SLC44A5: variants seen among roughly 807,000 people sequenced by gnomAD.
SLC44A5 encodes the protein solute carrier family 44 member 5, also known as choline transporter-like protein 5.
SLC44A5 carries 57 observed loss-of-function variants against 101.8 expected under a neutral mutation model. That is an observed-to-expected ratio of 0.56 (90% confidence interval 0.45 to 0.70). The LOEUF is 0.70. Ranked by LOEUF, SLC44A5 falls within the 30% of genes least tolerant of loss-of-function variation. The pLI is 0.00. For missense variants in SLC44A5, 737 were observed against 853.1 expected (o/e 0.86, Z 1.70); for synonymous variants, 281 against 290.9 (o/e 0.97, Z 0.35).
chr1:75,650,216 C>A, the SLC44A5 span, among the ~76,000 whole-genome samples: 2 of 152,160 alleles, frequency 1.3e-5, no homozygotes, highest in African/African-American at 2.4e-5. Context: ...CTCTTCCCAG[C>A]CTCCCAGTTT....
chr1:75,527,154 A>G (rs1003695977), intron 2 of SLC44A5, among the ~76,000 whole-genome samples: 26 of 147,382 alleles, frequency 1.8e-4, no homozygotes, highest in Non-Finnish European at 3.2e-4. Context: ...GAAAAAAAAA[A>G]GAAAAGAAAA....
rs951300401 is a variant in SLC44A5, at chr1:75,222,546, T to A, written c.986-86A>T. 71 of 752,826 alleles carry A rather than the reference T, an allele frequency of 9.4e-5. No homozygotes were observed. In the Middle Eastern group the frequency reaches 1.4e-3, roughly 15 times the overall value. The allele number at this position is 752,826 out of a possible 1,614,324, so 46.6% of individuals were successfully genotyped here. A position where few individuals can be genotyped will look rare whatever the true frequency, so the allele number is the denominator to read the frequency against. ...CTGCAAATGCTAGGATTGAACTTTA[T>A]GATTATTTCTGCCAATTCTGACACC... On this transcript the variant is annotated intron_variant, in intron 13 of 23. Coordinates refer to ENST00000370859, the MANE Select transcript of SLC44A5 (RefSeq NM_001130058.2).
intron 3 of SLC44A5, among the ~76,000 whole-genome samples, chr1:75,352,983 T>G (rs1658798737): frequency 6.6e-6 from 1 of 152,216 alleles, no homozygotes; most frequent in Non-Finnish European, 1.5e-5. Context: ...TCTTGTAGTT[T>G]ACTATTTCTT....
intron 1 of SLC44A5, among the ~76,000 whole-genome samples, chr1:75,579,707 G>A (rs186451546): frequency 2.8e-4 from 42 of 152,148 alleles, no homozygotes; most frequent in African/African-American, 9.6e-4. Flanking sequence ...ATGAAAAAAG[G>A]TTTCTCAATA....
chr1:75,290,971 G>A (rs961628225), intron 5 of SLC44A5, among the ~76,000 whole-genome samples: 2 of 152,174 alleles, frequency 1.3e-5, no homozygotes, highest in African/African-American at 4.8e-5. Flanking sequence ...AGGAGAGTAG[G>A]ATGTAAAAGA....
intron 2 of SLC44A5, among the ~76,000 whole-genome samples, chr1:75,511,815 A>G (rs907268483): frequency 6.6e-6 from 1 of 152,218 alleles, no homozygotes; most frequent in Non-Finnish European, 1.5e-5. Context: ...CCCCTTAAAA[A>G]GCAAATGATT....
chr1:75,421,179 C>T (rs1663981584), intron 2 of SLC44A5, among the ~76,000 whole-genome samples: 1 of 151,976 alleles, frequency 6.6e-6, no homozygotes, highest in Admixed American at 6.6e-5. Flanking sequence ...CAATTTTATA[C>T]ATACTGTTAG....
the SLC44A5 span, among the ~76,000 whole-genome samples, chr1:75,698,874 A>G: frequency 5.0e-4 from 76 of 152,342 alleles, no homozygotes; most frequent in African/African-American, 1.2e-3. Context: ...CTCAGGAGCC[A>G]ATGCTATCAA....
At chr1:75,297,574 T>C (rs1211800354) in intron 5 of SLC44A5, among the ~76,000 whole-genome samples, 1 of 152,214 alleles carries the variant, frequency 6.6e-6, no homozygotes, top group Non-Finnish European at 1.5e-5. Context: ...CATGAGCCAC[T>C]GCCACCACAC....
At chr1:75,485,505 T>C (rs970534265) in intron 2 of SLC44A5, among the ~76,000 whole-genome samples, 5 of 152,338 alleles carry the variant, frequency 3.3e-5, no homozygotes, top group Middle Eastern at 3.4e-3. Flanking sequence ...TTCATATCAC[T>C]ATCAGCATTT....
the SLC44A5 span, among the ~76,000 whole-genome samples, chr1:75,640,820 T>C: frequency 1.3e-5 from 2 of 152,096 alleles, no homozygotes; most frequent in Non-Finnish European, 2.9e-5. Flanking sequence ...ATGGGAATAA[T>C]TGCTTCTGGC....
chr1:75,249,294 CA>C (rs1557576305), intron 7 of SLC44A5, among the ~76,000 whole-genome samples: 1 of 151,814 alleles, frequency 6.6e-6, no homozygotes. Flanking sequence ...CAAGAAGAAG[CA>C]AAAAAGTCAG....
chr1:75,552,433 CAA>C (rs1387184958), intron 1 of SLC44A5, among the ~76,000 whole-genome samples: 1 of 148,828 alleles, frequency 6.7e-6, no homozygotes, highest in Non-Finnish European at 1.5e-5. Flanking sequence ...TTGCTTTACA[CAA>C]AAGTTTAAAA....
chr1:75,600,014 G>A (rs748529008), intron 1 of SLC44A5, among the ~76,000 whole-genome samples: 18 of 152,170 alleles, frequency 1.2e-4, no homozygotes, highest in Non-Finnish European at 2.2e-4. Context: ...TTGCAGTAGA[G>A]TAAAAAATAA....
At position 75,241,897 on chromosome 1, in the gene SLC44A5, G is replaced by A. The variant is rs183933324; in HGVS notation, c.532+104C>T. On this transcript the variant is annotated intron_variant, in intron 9 of 23. Transcript: ENST00000370859. ...AACTCTGGGACTTTAGGCAGTCAGA[G>A]GACCATTCTTGGCCTCAGTCTCATC... 4.3e-5 allele frequency: 41 copies of A among 953,978 alleles called. No individual in the cohort carries two copies. In the Admixed American group the frequency reaches 7.9e-4, roughly 18 times the overall value. 59.1% of individuals were successfully genotyped at this position (953,978 alleles called of 1,614,324 possible).
chr1:75,205,854 G>A (rs1207562199), intron 23 of SLC44A5: 10 of 152,212 alleles, frequency 6.6e-5, no homozygotes, highest in East Asian at 5.8e-4. Flanking sequence ...AAGACAAAAG[G>A]CATGAGTTAT....
chr1:75,716,868 C>A, the SLC44A5 span, among the ~76,000 whole-genome samples: 3 of 151,662 alleles, frequency 2.0e-5, no homozygotes, highest in African/African-American at 7.3e-5. Flanking sequence ...CCCATCTCTA[C>A]TAAAATACAA....
intron 6 of SLC44A5, among the ~76,000 whole-genome samples, chr1:75,274,650 T>C (rs1651769565): frequency 6.6e-6 from 1 of 152,166 alleles, no homozygotes; most frequent in African/African-American, 2.4e-5. Flanking sequence ...TAATAGCCCA[T>C]TTATAAGGCA....
chr1:75,482,028 C>T (rs1218167889), intron 2 of SLC44A5, among the ~76,000 whole-genome samples: 1 of 151,972 alleles, frequency 6.6e-6, no homozygotes, highest in Non-Finnish European at 1.5e-5. Flanking sequence ...CCCAAATGTC[C>T]AACAATGATA....
Sources: gnomAD v4.1 joint callset for allele counts (sites outside exome capture counted in the v4.1 genomes callset) on GRCh38, gnomAD v4.1.1 for gene constraint, MANE v1.5 for transcripts, NCBI Gene and HGNC (gene_info 2026-07-23, HGNC 2026-07-21) for gene names.